The following NDUFAF6 variants were observed in gnomAD, a reference collection of about 807,000 sequenced individuals.
NDUFAF6 encodes the protein NADH:ubiquinone oxidoreductase complex assembly factor 6.
Under a neutral mutation model 40.8 loss-of-function variants are expected in NDUFAF6, and 45 were observed. The observed-to-expected ratio is 1.10, with a 90% confidence interval of 0.87 to 1.42. The LOEUF is 1.42. NDUFAF6 is among the 40% of genes most tolerant of loss of function. The pLI, the probability that NDUFAF6 is intolerant of heterozygous loss-of-function variation, is 0.00. For missense variants in NDUFAF6, 435 were observed against 418.5 expected, an observed-to-expected ratio of 1.04 and a Z score of -0.34; for synonymous variants, 185 against 155.9, an observed-to-expected ratio of 1.19 and a Z score of -1.39.
intron 1 of NDUFAF6, chr8:94,896,370 C>A (rs1283701866): frequency 2.0e-5 from 3 of 151,458 alleles, no homozygotes. Context: ...GGGGGCCCGA[C>A]GCTCTTCCTT....
At chr8:95,000,632 C>CA (rs567449511) in intron 2 of NDUFAF6, among the ~76,000 whole-genome samples, 18,215 of 114,230 alleles carry the variant, frequency 0.16, 1,319 homozygotes, top group African/African-American at 0.22. Context: ...ACATAGTAAG[C>CA]AAAAAAAAAA....
At chr8:94,934,443 T>G (rs1820766106) in intron 1 of NDUFAF6, among the ~76,000 whole-genome samples, 1 of 151,798 alleles carries the variant, frequency 6.6e-6, no homozygotes, top group African/African-American at 2.4e-5. Flanking sequence ...TGGAGTGCAA[T>G]GGCGTGATCT....
At chr8:95,057,465 A>AT (rs1460691780) in intron 8 of NDUFAF6, among the ~76,000 whole-genome samples, 1 of 152,080 alleles carries the variant, frequency 6.6e-6, no homozygotes, top group Admixed American at 6.5e-5. Context: ...GGGATGTTTC[A>AT]TTTTCCCTGA....
At chr8:94,995,127 G>A (rs149723066) in intron 2 of NDUFAF6, among the ~76,000 whole-genome samples, 1 of 152,318 alleles carries the variant, frequency 6.6e-6, no homozygotes, top group Non-Finnish European at 1.5e-5. Context: ...ACATACAGTG[G>A]AATATTATGC....
chr8:95,010,992 G>A (rs1036133687), intron 2 of NDUFAF6, among the ~76,000 whole-genome samples: 2 of 152,210 alleles, frequency 1.3e-5, no homozygotes, highest in Admixed American at 6.5e-5. Flanking sequence ...TCTTCTGTGC[G>A]GCGGAAATGT....
In NDUFAF6 at chr8:94,965,847, G is replaced by A. The variant is rs182203209; in HGVS notation, c.-199+7668G>A. On this transcript the variant is annotated intron_variant, in intron 1 of 9. Transcript: ENST00000396111. Reference sequence around the variant, plus strand: ...GAGAGAACTCAATGTATTTAGCACTGGTTATATGCCAGCACTGTTTTAGAG... The same window carrying A: ...GAGAGAACTCAATGTATTTAGCACTAGTTATATGCCAGCACTGTTTTAGAG... 3.9e-5 allele frequency among the ~76,000 whole-genome samples: 6 copies of A among 152,196 alleles called. No homozygotes were observed. The East Asian group carries it at 9.6e-4, about 24-fold the overall frequency.
intron 1 of NDUFAF6, among the ~76,000 whole-genome samples, chr8:94,925,707 T>G (rs1381292041): frequency 6.6e-6 from 1 of 152,116 alleles, no homozygotes; most frequent in Non-Finnish European, 1.5e-5. Context: ...GCTCAGCTTA[T>G]TTTCATATTT....
downstream of NDUFAF6, among the ~76,000 whole-genome samples, chr8:95,104,113 G>A (rs114301844): frequency 0.01 from 1,532 of 152,236 alleles, 30 homozygotes; most frequent in African/African-American, 0.035. Context: ...CTGACCTCAA[G>A]CAATCCTCCT....
At position 95,072,860 on chromosome 8, in the gene NDUFAF6, C is replaced by A. The variant is rs369131297; in HGVS notation, c.*512-2773C>A. On this transcript the variant is annotated intron_variant and NMD_transcript_variant, in intron 9 of 9. Coordinates refer to the NDUFAF6 transcript ENST00000520757. Reference sequence around the variant, plus strand: ...CTTCACAGGCAGCAAGAAAGTGGTACACAGCAGGGAGGGCAGTGGGCACCT... The same window carrying A: ...CTTCACAGGCAGCAAGAAAGTGGTAAACAGCAGGGAGGGCAGTGGGCACCT... 6 of 155,162 alleles carry A rather than the reference C, an allele frequency of 3.9e-5. No individual in the cohort carries two copies. The East Asian group carries it at 5.8e-4, about 15-fold the overall frequency. The allele number at this position is 155,162 out of a possible 1,614,324, so 9.6% of individuals were successfully genotyped here. A position where few individuals can be genotyped will look rare whatever the true frequency, so the allele number is the denominator to read the frequency against.
intron 2 of NDUFAF6, among the ~76,000 whole-genome samples, chr8:94,986,068 T>A (rs910049559): frequency 6.6e-6 from 1 of 151,826 alleles, no homozygotes; most frequent in African/African-American, 2.4e-5. Context: ...AGAGATGGGG[T>A]TTCACCGTGT....
intron 1 of NDUFAF6, chr8:94,939,880 T>G (rs927431273): frequency 1.9e-6 from 3 of 1,613,478 alleles, no homozygotes; most frequent in Non-Finnish European, 2.5e-6. Context: ...TTGGGCTATG[T>G]AATTCATCAG....
chr8:95,013,918 T>A (rs917763819), intron 2 of NDUFAF6, among the ~76,000 whole-genome samples: 1 of 152,110 alleles, frequency 6.6e-6, no homozygotes, highest in Non-Finnish European at 1.5e-5. Context: ...AGTGTCCTTA[T>A]ACAATGGGGA....
rs531943787 is a variant in NDUFAF6, at chr8:95,035,707, G to C, written c.420+131G>C. On this transcript the variant is annotated intron_variant, in intron 3 of 8. Transcript: ENST00000396124. ...AAATATTCTTAGGCTTATGTATTCA[G>C]AGCTGTTATAGTTTTGGCACAGAAA... is the stretch of plus-strand genomic sequence containing the variant. 1.1e-5 allele frequency: 10 copies of C among 877,014 alleles called. No individual in the cohort carries two copies. In the African/African-American group the frequency reaches 1.4e-4, roughly 12 times the overall value. 54.3% of individuals were successfully genotyped at this position (877,014 alleles called of 1,614,324 possible). A position where few individuals can be genotyped will look rare whatever the true frequency, so the allele number is the denominator to read the frequency against.
intron 2 of NDUFAF6, among the ~76,000 whole-genome samples, chr8:95,004,349 CTTTTTTTTTT>C (rs11422482): frequency 6.4e-4 from 59 of 92,416 alleles, no homozygotes; most frequent in African/African-American, 2.8e-3. Context: ...CTCACCATTA[CTTTTTTTTTT>C]TTTTTTTTTT....
intron 1 of NDUFAF6, among the ~76,000 whole-genome samples, chr8:94,921,060 C>T (rs73697047): frequency 0.023 from 3,573 of 152,290 alleles, 114 homozygotes; most frequent in African/African-American, 0.08. Context: ...AAACAGCCTA[C>T]TCACAAGTGA....
downstream of NDUFAF6, among the ~76,000 whole-genome samples, chr8:95,079,672 C>G (rs1353749138): frequency 1.3e-5 from 2 of 151,458 alleles, no homozygotes; most frequent in African/African-American, 4.8e-5. Context: ...AAAATAAAAA[C>G]TGATTCTTGA....
chr8:95,075,532 T>A (rs1348245688), intron 9 of NDUFAF6: 2 of 969,750 alleles, frequency 2.1e-6, no homozygotes, highest in African/African-American at 1.7e-5. Flanking sequence ...TGGGATTTTA[T>A]CCTCCCCAGG....
chr8:94,898,905 C>T (rs1017680600), intron 1 of NDUFAF6, among the ~76,000 whole-genome samples: 3 of 152,100 alleles, frequency 2.0e-5, no homozygotes, highest in Non-Finnish European at 4.4e-5. Context: ...ATTTTTCATA[C>T]GTTTTTATTG....
intron 1 of NDUFAF6, among the ~76,000 whole-genome samples, chr8:94,909,586 A>G (rs1818630419): frequency 6.6e-6 from 1 of 151,688 alleles, no homozygotes; most frequent in Non-Finnish European, 1.5e-5. Flanking sequence ...AGGTCGCGCC[A>G]CTGCACTCCA....
Sources: gnomAD v4.1 joint callset for allele counts (sites outside exome capture counted in the v4.1 genomes callset) on GRCh38, gnomAD v4.1.1 for gene constraint, MANE v1.5 for transcripts, NCBI Gene and HGNC (gene_info 2026-07-23, HGNC 2026-07-21) for gene names.